PCDHA7: variants seen among roughly 807,000 people sequenced by gnomAD.
The protein encoded by PCDHA7 is protocadherin alpha-7.
A neutral mutation model predicts 57.2 loss-of-function variants in PCDHA7; 37 were observed. The observed-to-expected ratio is 0.65, with a 90% CI of 0.50 to 0.85. The LOEUF is 0.85. PCDHA7 is among the 40% of genes least tolerant of loss of function. PCDHA7 has a pLI of 0.00. For synonymous variants in PCDHA7, 553 were observed against 558.8 expected, an observed-to-expected ratio of 0.99 and a Z score of 0.15; for missense variants, 1,188 against 1,241.8, an observed-to-expected ratio of 0.96 and a Z score of 0.65.
At chr5:140,900,807 A>T (rs868976984) in intron 1 of PCDHA7, among the ~76,000 whole-genome samples, 1 of 152,176 alleles carries the variant, frequency 6.6e-6, no homozygotes, top group African/African-American at 2.4e-5. Context: ...TAGTGCTTGT[A>T]CTAATTTACA....
chr5:140,898,733 A>C (rs1401773719), intron 1 of PCDHA7, among the ~76,000 whole-genome samples: 1 of 152,154 alleles, frequency 6.6e-6, no homozygotes, highest in Non-Finnish European at 1.5e-5. Flanking sequence ...GAAGAAAGTC[A>C]TTGGTAGCTT....
chr5:140,904,499 A>G (rs1554191555), intron 1 of PCDHA7, among the ~76,000 whole-genome samples: 1 of 151,770 alleles, frequency 6.6e-6, no homozygotes, highest in Non-Finnish European at 1.5e-5. Flanking sequence ...AATTTTTACA[A>G]TTGTGAATTG....
intron 3 of PCDHA7, among the ~76,000 whole-genome samples, chr5:140,998,568 A>AG (rs1167593072): frequency 3.1e-5 from 3 of 96,370 alleles, no homozygotes; most frequent in African/African-American, 1.3e-4. Context: ...ATTGTAAATA[A>AG]GTTTTTTTTT....
chr5:140,929,715 T>A, intron 1 of PCDHA7: 1 of 230,486 alleles, frequency 4.3e-6, no homozygotes, highest in East Asian at 9.8e-5. Flanking sequence ...ATATGGAAGG[T>A]GAAACATTTA....
At chr5:140,836,782 A>G in intron 1 of PCDHA7, 44 bp downstream of exon 1, 2 of 1,475,536 alleles carry the variant, frequency 1.4e-6, no homozygotes, top group South Asian at 1.3e-5. Flanking sequence ...TAAAACAATT[A>G]GTTCAATTGG....
intron 1 of PCDHA7, among the ~76,000 whole-genome samples, chr5:140,933,844 G>A (rs2089450133): frequency 6.6e-6 from 1 of 151,910 alleles, no homozygotes; most frequent in South Asian, 2.1e-4. Context: ...TTTCATTCCT[G>A]TACCTTTAAT....
Position 140,835,448 on chromosome 5 carries a change from G to T in PCDHA7, c.1065G>T (p.Leu355=), listed in dbSNP as rs2150235921. Residue 355 remains leucine, a synonymous_variant, in exon 1 of 4, where the codon CTG becomes CTT. Transcript: ENST00000525929. The part of the protein sequence containing the change: ...DNAPQLTLTS[L]SLPIPEDAQP... The stretch of plus-strand genomic sequence containing the variant: ...CTCCACAGTTGACTCTCACTTCCCT[G>T]TCTCTCCCTATTCCAGAGGACGCCC... 11 of 1,613,768 alleles carry T rather than the reference G, an allele frequency of 6.8e-6. No homozygotes were observed. The South Asian group carries it at 1.2e-4, about 18-fold the overall frequency.
chr5:140,854,108 AC>A lies in PCDHA7; in HGVS notation c.2355+17371del, dbSNP rs1233972098. The A allele has an allele frequency of 1.0e-4, 31 of 299,428 alleles. 3 individuals are homozygous for A. Among genetic ancestry groups the A allele is most frequent in the Non-Finnish European group, 1.4e-4 (30 of 208,480 alleles). The allele number at this position is 299,428 out of a possible 1,614,324, so 18.5% of individuals were successfully genotyped here. A position where few individuals can be genotyped will look rare whatever the true frequency, so the allele number is the denominator to read the frequency against. On this transcript the variant is annotated intron_variant, in intron 1 of 3. Transcript: ENST00000525929. ...GCCTGGGACATTGAGGCTGCAGTGA[AC>A]TGTGATGGCACAACTGCATTTCAGC...
intron 1 of PCDHA7, chr5:140,870,165 G>T (rs1223679164): frequency 1.2e-6 from 2 of 1,614,138 alleles, no homozygotes; most frequent in Non-Finnish European, 1.7e-6. Context: ...TGACTTCCTT[G>T]TCCCTCCCAG....
chr5:140,858,515 C>G lies in PCDHA7; in HGVS notation c.2355+21777C>G, dbSNP rs1554151726. ...TTACCGCATTTTCTCAAATATGTAT[C>G]AGAATATTTCATTTTTGTCTACATT... On this transcript the variant is annotated intron_variant, in intron 1 of 3. Coordinates refer to ENST00000525929, the MANE Select transcript of PCDHA7 (RefSeq NM_018910.3). 2.8e-6 allele frequency: 4 copies of G among 1,415,980 alleles called. 1 individual carries two copies. The African/African-American group carries it at 5.7e-5, about 20-fold the overall frequency. 87.7% of individuals were successfully genotyped at this position (1,415,980 alleles called of 1,614,324 possible).
At chr5:140,986,938 G>A (rs1025641797) in intron 3 of PCDHA7, among the ~76,000 whole-genome samples, 1 of 152,158 alleles carries the variant, frequency 6.6e-6, no homozygotes, top group African/African-American at 2.4e-5. Flanking sequence ...TGGAGGCTGG[G>A]TGTGGTCGCT....
chr5:140,931,585 A>G (rs1170746678), intron 1 of PCDHA7, among the ~76,000 whole-genome samples: 2 of 152,056 alleles, frequency 1.3e-5, no homozygotes, highest in Non-Finnish European at 2.9e-5. Context: ...ATTCAGTTGA[A>G]CAGTCTTTTT....
chr5:140,951,046 TA>T (rs1414168325), intron 1 of PCDHA7, among the ~76,000 whole-genome samples: 1 of 152,138 alleles, frequency 6.6e-6, no homozygotes, highest in Non-Finnish European at 1.5e-5. Context: ...ATTATATTTT[TA>T]TTGCTAAAAT....
chr5:140,850,725 G>A, intron 1 of PCDHA7: 1 of 1,597,982 alleles, frequency 6.3e-7, no homozygotes. Context: ...GTGTTCTAGC[G>A]CGGTGGGGAG....
At chr5:140,889,160 A>T (rs1582978614) in intron 1 of PCDHA7, among the ~76,000 whole-genome samples, 1 of 151,778 alleles carries the variant, frequency 6.6e-6, no homozygotes, top group Middle Eastern at 3.4e-3. Context: ...TTCTTTGTTA[A>T]GTATTCAAGT....
chr5:140,887,537 C>A (rs530539711), intron 1 of PCDHA7, among the ~76,000 whole-genome samples: 7 of 152,132 alleles, frequency 4.6e-5, no homozygotes, highest in African/African-American at 7.2e-5. Flanking sequence ...TTCCTCTCCC[C>A]ACCCCTCATG....
chr5:140,883,230 A>T (rs1554177225), intron 1 of PCDHA7: 1 of 1,614,082 alleles, frequency 6.2e-7, no homozygotes, highest in African/African-American at 1.3e-5. Flanking sequence ...ATATCCGTGG[A>T]GGCAGTTGAC....
intron 1 of PCDHA7, among the ~76,000 whole-genome samples, chr5:140,942,637 A>C (rs1175766630): frequency 6.6e-6 from 1 of 152,178 alleles, no homozygotes; most frequent in African/African-American, 2.4e-5. Context: ...AAAATGGCAA[A>C]AGAGATCTCA....
chr5:140,941,304 CTTTT>C (rs2093021953), intron 1 of PCDHA7, among the ~76,000 whole-genome samples: 1 of 84,848 alleles, frequency 1.2e-5, no homozygotes, highest in African/African-American at 4.2e-5. Context: ...TTCTTTCTTT[CTTTT>C]TCTTCTTTCT....
Sources: gnomAD v4.1 joint callset for allele counts (sites outside exome capture counted in the v4.1 genomes callset) on GRCh38, gnomAD v4.1.1 for gene constraint, MANE v1.5 for transcripts, NCBI Gene and HGNC (gene_info 2026-07-23, HGNC 2026-07-21) for gene names.